The following CTNND2 variants were observed in gnomAD, a reference collection of about 807,000 sequenced individuals.
The protein encoded by CTNND2 is catenin delta-2.
A neutral mutation model predicts 144.4 loss-of-function variants in CTNND2; 22 were observed. The observed-to-expected ratio is 0.15, with a 90% CI of 0.11 to 0.22. The LOEUF (loss-of-function observed/expected upper bound fraction) is 0.22, where lower values mean the gene tolerates loss of function less well. Among genes scored for constraint, CTNND2 ranks in the 10% least tolerant of loss-of-function variants. The probability of loss-of-function intolerance (pLI) is 1.00; values close to 1 mark genes in which losing one functional copy is unlikely to be tolerated. For synonymous variants in CTNND2, 751 were observed against 695.6 expected, an observed-to-expected ratio of 1.08 and a Z score of -1.25; for missense variants, 1,353 against 1,618.8, an observed-to-expected ratio of 0.84 and a Z score of 2.82.
chr5:11,074,958 C>G (rs556010796), intron 16 of CTNND2, among the ~76,000 whole-genome samples: 1 of 152,018 alleles, frequency 6.6e-6, no homozygotes, highest in African/African-American at 2.4e-5. Flanking sequence ...GCCCACCCCC[C>G]ACCTCCTTAA....
chr5:11,193,555 T>C (rs553034635), intron 11 of CTNND2, among the ~76,000 whole-genome samples: 10 of 152,298 alleles, frequency 6.6e-5, no homozygotes, highest in East Asian at 3.9e-4. Context: ...CTTGGGAACA[T>C]AGTAACCCTG....
In CTNND2 at chr5:11,779,113, C is replaced by T. The variant is rs4568366; in HGVS notation, c.38-46841G>A. 4.3e-3 allele frequency among the ~76,000 whole-genome samples: 661 copies of T among 152,238 alleles called. 5 individuals are homozygous for T. The highest frequency in any genetic ancestry group is 6.8e-3 in the Middle Eastern group (2 of 294). ...AAGGCCACAGCGTCCTCATGCATGACGCATGGTGTATCCGCCATATGTTCT... is the reference window on the plus strand; with the variant it reads ...AAGGCCACAGCGTCCTCATGCATGATGCATGGTGTATCCGCCATATGTTCT... On this transcript the variant is annotated intron_variant, in intron 1 of 21. Coordinates refer to ENST00000304623, the MANE Select transcript of CTNND2 (RefSeq NM_001332.4).
chr5:11,453,398 GT>G (rs1476315183), intron 3 of CTNND2, among the ~76,000 whole-genome samples: 3 of 152,160 alleles, frequency 2.0e-5, no homozygotes, highest in Non-Finnish European at 4.4e-5. Context: ...TGGAGCCAGG[GT>G]ATTTTAAGGA....
chr5:11,499,518 C>T (rs1770336030), intron 3 of CTNND2, among the ~76,000 whole-genome samples: 1 of 152,204 alleles, frequency 6.6e-6, no homozygotes, highest in Non-Finnish European at 1.5e-5. Context: ...AACATTGTGG[C>T]CACCTTGTTT....
At chr5:11,313,413 G>A (rs1013964211) in intron 9 of CTNND2, among the ~76,000 whole-genome samples, 4 of 152,164 alleles carry the variant, frequency 2.6e-5, no homozygotes, top group Admixed American at 6.5e-5. Flanking sequence ...CCTCTTCCAA[G>A]TCCCCGACAC....
At chr5:10,981,907 T>C (rs1345988490) in intron 20 of CTNND2, 61 bp from the exon 21 acceptor site, 8 of 1,438,942 alleles carry the variant, frequency 5.6e-6, no homozygotes, top group Non-Finnish European at 7.8e-6. Flanking sequence ...TAAGGAATAG[T>C]TGTTATTGAA....
chr5:11,277,663 C>T (rs1473808328), intron 9 of CTNND2, among the ~76,000 whole-genome samples: 1 of 152,096 alleles, frequency 6.6e-6, no homozygotes, highest in East Asian at 1.9e-4. Context: ...TCCCGAGCAG[C>T]TGGAATTACA....
chr5:10,986,508 A>C, intron 20 of CTNND2: 8 of 406,840 alleles, frequency 2.0e-5, no homozygotes, highest in South Asian at 1.5e-4. Flanking sequence ...GCTCAGCATA[A>C]TCAGTACAAA....
intron 1 of CTNND2, among the ~76,000 whole-genome samples, chr5:11,740,381 C>T (rs1223749030): frequency 6.6e-6 from 1 of 152,058 alleles, no homozygotes; most frequent in Non-Finnish European, 1.5e-5. Context: ...TCAGAAATAA[C>T]ACCACACATC....
chr5:11,317,630 A>T (rs1355816194), intron 9 of CTNND2, among the ~76,000 whole-genome samples: 1 of 152,230 alleles, frequency 6.6e-6, no homozygotes, highest in Non-Finnish European at 1.5e-5. Flanking sequence ...TAAAGAGAGT[A>T]TCTTTCAGGG....
At chr5:11,633,999 T>C (rs1472963157) in intron 2 of CTNND2, among the ~76,000 whole-genome samples, 1 of 152,102 alleles carries the variant, frequency 6.6e-6, no homozygotes, top group African/African-American at 2.4e-5. Context: ...TTCTGTCCAA[T>C]ACCCAGTCAA....
At chr5:11,625,030 A>G (rs1781077370) in intron 2 of CTNND2, among the ~76,000 whole-genome samples, 1 of 152,118 alleles carries the variant, frequency 6.6e-6, no homozygotes, top group South Asian at 2.1e-4. Context: ...TGAAAAACTA[A>G]ACACCCTTCA....
At chr5:11,188,808 A>G (rs916238650) in intron 11 of CTNND2, among the ~76,000 whole-genome samples, 1 of 152,082 alleles carries the variant, frequency 6.6e-6, no homozygotes, top group African/African-American at 2.4e-5. Flanking sequence ...ACCTTGGAAC[A>G]CTTAACTCCA....
rs140738817 is a variant in CTNND2, at chr5:11,831,437, G to T, written c.37+72380C>A. ...TAATCCCAGCACTTTAGGAGGCTGAGCCGGGTAGATCACGAGGTCAGGAGA... is the reference window on the plus strand; with the variant it reads ...TAATCCCAGCACTTTAGGAGGCTGATCCGGGTAGATCACGAGGTCAGGAGA... On this transcript the variant is annotated intron_variant, in intron 1 of 21. Coordinates refer to ENST00000304623, the MANE Select transcript of CTNND2 (RefSeq NM_001332.4). Among the ~76,000 whole-genome samples, 987 of 152,186 alleles carry T rather than the reference G, an allele frequency of 6.5e-3. 13 individuals are homozygous for T. The highest frequency in any genetic ancestry group is 0.024 in the Middle Eastern group (7 of 294).
At chr5:11,139,531 A>C (rs1396735870) in intron 12 of CTNND2, among the ~76,000 whole-genome samples, 1 of 152,202 alleles carries the variant, frequency 6.6e-6, no homozygotes, top group Admixed American at 6.5e-5. Flanking sequence ...ATGATAGAAG[A>C]GCCTGGGTTG....
rs1781385511 is a variant in CTNND2, at chr5:11,630,976, C to T, written c.175-65920G>A. 2.0e-5 allele frequency among the ~76,000 whole-genome samples: 3 copies of T among 151,432 alleles called. 1 individual carries two copies. The South Asian group carries it at 6.3e-4, about 32-fold the overall frequency. On this transcript the variant is annotated intron_variant, in intron 2 of 21. Coordinates refer to ENST00000304623, the MANE Select transcript of CTNND2 (RefSeq NM_001332.4). The stretch of plus-strand genomic sequence containing the variant: ...TCTCAAAAAAAAAAAAATACATAAA[C>T]AATCATATCTTCTCCCAGTCACCTG...
At chr5:11,287,568 T>G (rs1351214259) in intron 9 of CTNND2, among the ~76,000 whole-genome samples, 1 of 152,250 alleles carries the variant, frequency 6.6e-6, no homozygotes, top group African/African-American at 2.4e-5. Flanking sequence ...CAAACACATA[T>G]ATGAATGGCA....
intron 16 of CTNND2, 73 bp downstream of exon 16, chr5:11,082,623 T>G (rs1580232698): frequency 6.4e-7 from 1 of 1,553,908 alleles, no homozygotes; most frequent in Non-Finnish European, 8.7e-7. Flanking sequence ...TGCATACGGG[T>G]TCAACCACAC....
intron 7 of CTNND2, among the ~76,000 whole-genome samples, chr5:11,377,401 T>C (rs1027125591): frequency 1.3e-5 from 2 of 152,110 alleles, no homozygotes; most frequent in Non-Finnish European, 2.9e-5. Flanking sequence ...TGTATTCCTG[T>C]ACTTTTATTT....
Sources: gnomAD v4.1 joint callset for allele counts (sites outside exome capture counted in the v4.1 genomes callset) on GRCh38, gnomAD v4.1.1 for gene constraint, MANE v1.5 for transcripts, NCBI Gene and HGNC (gene_info 2026-07-23, HGNC 2026-07-21) for gene names.